SAXO1: variants seen among roughly 807,000 people sequenced by gnomAD.
SAXO1 encodes the protein stabilizer of axonemal microtubules 1, also known as 4930500O09Rik.
In SAXO1, 21 loss-of-function variants were observed where a neutral mutation model predicts 17.5. That is an observed-to-expected ratio of 1.20 (90% CI 0.85 to 1.72). The LOEUF (loss-of-function observed/expected upper bound fraction) is 1.72. SAXO1 is among the 40% of genes most tolerant of loss of function. SAXO1 has a pLI of 0.00. For missense variants in SAXO1, 843 were observed against 596.0 expected (o/e 1.41, Z -4.32); for synonymous variants, 274 against 216.5 (o/e 1.27, Z -2.33).
intron 1 of SAXO1, among the ~76,000 whole-genome samples, chr9:18,952,359 TGA>T (rs1485089983): frequency 6.6e-6 from 1 of 152,188 alleles, no homozygotes; most frequent in African/African-American, 2.4e-5. Flanking sequence ...GGAGATAAAA[TGA>T]GAGAAAGAAA....
At chr9:18,959,321 G>C (rs1832386208) in intron 1 of SAXO1, among the ~76,000 whole-genome samples, 1 of 152,134 alleles carries the variant, frequency 6.6e-6, no homozygotes, top group Non-Finnish European at 1.5e-5. Flanking sequence ...AAAATAATCG[G>C]TGGAAAAAGA....
chr9:19,023,808 G>A (rs1386129692), intron 1 of SAXO1, among the ~76,000 whole-genome samples: 2 of 151,410 alleles, frequency 1.3e-5, no homozygotes, highest in Non-Finnish European at 2.9e-5. Context: ...AGGAAAGCAA[G>A]GAAAGGAAAG....
chr9:18,937,526 G>A (rs1417603841), intron 3 of SAXO1, among the ~76,000 whole-genome samples: 2 of 152,194 alleles, frequency 1.3e-5, no homozygotes, highest in Non-Finnish European at 2.9e-5. Flanking sequence ...AAAAGTATTT[G>A]CTATAGTCTG....
upstream of SAXO1, among the ~76,000 whole-genome samples, chr9:19,036,247 AG>A (rs1179741705): frequency 2.0e-4 from 24 of 118,042 alleles, no homozygotes; most frequent in Non-Finnish European, 3.4e-5. Flanking sequence ...CAGAACTTAA[AG>A]TATAATAAAA....
intron 1 of SAXO1, among the ~76,000 whole-genome samples, chr9:18,959,787 A>G (rs1326014443): frequency 3.9e-5 from 6 of 152,010 alleles, no homozygotes; most frequent in Non-Finnish European, 5.9e-5. Context: ...AAAAAAAAAA[A>G]AGATTCCAGG....
At chr9:18,972,010 C>A (rs529046899) in intron 1 of SAXO1, among the ~76,000 whole-genome samples, 2 of 152,124 alleles carry the variant, frequency 1.3e-5, no homozygotes, top group Non-Finnish European at 2.9e-5. Flanking sequence ...TAAAGAACCA[C>A]GCTGGAAAAA....
intron 1 of SAXO1, among the ~76,000 whole-genome samples, chr9:18,983,914 C>A (rs865971750): frequency 2.0e-5 from 3 of 152,194 alleles, no homozygotes; most frequent in Middle Eastern, 3.2e-3. Context: ...GAGTTAACCA[C>A]ATTCTATGGC....
At chr9:19,016,202 G>A (rs745601215) in intron 1 of SAXO1, among the ~76,000 whole-genome samples, 13 of 152,130 alleles carry the variant, frequency 8.5e-5, no homozygotes, top group Admixed American at 6.5e-5. Flanking sequence ...TTGGGAGGCC[G>A]AGGCGGGTGG....
intron 1 of SAXO1, among the ~76,000 whole-genome samples, chr9:19,012,639 A>C (rs1210004601): frequency 1.3e-5 from 2 of 152,254 alleles, no homozygotes; most frequent in African/African-American, 4.8e-5. Context: ...TCTCAGAAGG[A>C]TACATCAGAA....
At chr9:18,993,784 T>C (rs893511838) in intron 1 of SAXO1, among the ~76,000 whole-genome samples, 1 of 152,300 alleles carries the variant, frequency 6.6e-6, no homozygotes, top group Admixed American at 6.5e-5. Context: ...CATATTACCA[T>C]ATTCAATCCT....
chr9:19,044,756 G>C (rs577685641), intron 1 of SAXO1, among the ~76,000 whole-genome samples: 1 of 151,884 alleles, frequency 6.6e-6, no homozygotes, highest in Admixed American at 6.6e-5. Context: ...CCAGCTACTT[G>C]GGAGGCTGAG....
At chr9:18,977,562 A>C (rs1269949117) in intron 1 of SAXO1, among the ~76,000 whole-genome samples, 1 of 152,104 alleles carries the variant, frequency 6.6e-6, no homozygotes, top group South Asian at 2.1e-4. Flanking sequence ...TCTGAATCTA[A>C]AGTTCATGTT....
At chr9:18,971,488 T>G (rs1194242462) in intron 1 of SAXO1, among the ~76,000 whole-genome samples, 2 of 152,152 alleles carry the variant, frequency 1.3e-5, no homozygotes, top group African/African-American at 4.8e-5. Context: ...ATGGAATGAT[T>G]TTAGAAAAAA....
At chr9:18,998,059 T>C (rs1834086073) in intron 1 of SAXO1, among the ~76,000 whole-genome samples, 1 of 151,974 alleles carries the variant, frequency 6.6e-6, no homozygotes, top group Non-Finnish European at 1.5e-5. Context: ...ATGCCCTTTC[T>C]CCTCCAAAGG....
At chr9:18,981,206 T>C (rs1018111223) in intron 1 of SAXO1, among the ~76,000 whole-genome samples, 3 of 152,144 alleles carry the variant, frequency 2.0e-5, no homozygotes, top group African/African-American at 7.2e-5. Flanking sequence ...TTAAATACCT[T>C]GTTAATGGAA....
intron 1 of SAXO1, among the ~76,000 whole-genome samples, chr9:19,032,029 T>C (rs746873830): frequency 1.3e-5 from 2 of 152,182 alleles, no homozygotes; most frequent in Non-Finnish European, 2.9e-5. Context: ...CTTACAATAG[T>C]CCTATGAGGT....
chr9:19,004,728 G>A (rs889587564), intron 1 of SAXO1, among the ~76,000 whole-genome samples: 9 of 152,132 alleles, frequency 5.9e-5, no homozygotes, highest in African/African-American at 1.9e-4. Flanking sequence ...GGAGTAGGGG[G>A]CAAGGGGAGG....
At position 18,995,016 on chromosome 9, in the gene SAXO1, G is replaced by T. The variant is rs529746138; in HGVS notation, c.38+37855C>A. On this transcript the variant is annotated intron_variant, in intron 1 of 3. Transcript: ENST00000380534. Reference sequence around the variant, plus strand: ...GTGGTTCCATTAGACCATCCAGGAAGAGACTGAGTTTTTCTTTTTGAAATG... The same window carrying T: ...GTGGTTCCATTAGACCATCCAGGAATAGACTGAGTTTTTCTTTTTGAAATG... 1.3e-4 allele frequency among the ~76,000 whole-genome samples: 20 copies of T among 152,294 alleles called. No individual in the cohort carries two copies. The South Asian group carries it at 4.1e-3, about 32-fold the overall frequency.
chr9:18,964,777 A>G (rs1162690610), intron 1 of SAXO1, among the ~76,000 whole-genome samples: 1 of 151,872 alleles, frequency 6.6e-6, no homozygotes, highest in Non-Finnish European at 1.5e-5. Context: ...CTGATCTTAG[A>G]TATTTCTTAT....
Sources: allele counts gnomAD v4.1 joint callset (sites outside exome capture counted in the v4.1 genomes callset), GRCh38; gene constraint gnomAD v4.1.1; transcripts MANE v1.5; gene names NCBI Gene and HGNC (gene_info 2026-07-23, HGNC 2026-07-21).